TIAM2: variants seen among roughly 807,000 people sequenced by gnomAD.
TIAM2 encodes TIAM Rac1 associated GEF 2, also known as rho guanine nucleotide exchange factor TIAM2.
Under a neutral mutation model 152.9 loss-of-function variants are expected in TIAM2, and 80 were observed. The observed-to-expected ratio is 0.52, with a 90% CI of 0.44 to 0.63. TIAM2 has a LOEUF of 0.63. Ranked by LOEUF, TIAM2 falls within the 30% of genes least tolerant of loss-of-function variation. TIAM2 has a pLI of 0.00. For missense variants in TIAM2, 1,965 were observed against 2,120.1 expected (o/e 0.93, Z 1.44); for synonymous variants, 804 against 838.0 (o/e 0.96, Z 0.70).
chr6:155,253,079 C>T (rs1268342117), intron 24 of TIAM2, 26 bp downstream of exon 24: 1 of 1,574,882 alleles, frequency 6.3e-7, no homozygotes, highest in Non-Finnish European at 8.7e-7. Context: ...AGTATGATGC[C>T]AGAAAAAGCA....
chr6:155,203,342 G>C (rs1208386837), intron 14 of TIAM2, among the ~76,000 whole-genome samples: 1 of 152,098 alleles, frequency 6.6e-6, no homozygotes, highest in East Asian at 1.9e-4. Flanking sequence ...GGTGATTTCT[G>C]AGTTTCTTTT....
In TIAM2 at chr6:155,041,086, G is replaced by A. The variant is rs184442964; in HGVS notation, c.-209+45594G>A. 4.4e-3 allele frequency among the ~76,000 whole-genome samples: 666 copies of A among 152,158 alleles called. 3 individuals are homozygous for A. The highest frequency in any genetic ancestry group is 7.8e-3 in the Non-Finnish European group (527 of 67,990). ...ACACTGCCCATTGTTCTAAGTGCCA[G>A]GGGCTCTTGGATATGCTTGCCAAAC... On this transcript the variant is annotated intron_variant, in intron 1 of 26. Transcript: ENST00000682666.
chr6:155,239,750 T>TGGCTCC (rs1782940648), intron 15 of TIAM2, among the ~76,000 whole-genome samples: 1 of 152,166 alleles, frequency 6.6e-6, no homozygotes, highest in Non-Finnish European at 1.5e-5. Flanking sequence ...GGCCTGGCCC[T>TGGCTCC]GGCTCCCTGC....
At chr6:155,168,350 A>G (rs1400501920) in intron 9 of TIAM2, among the ~76,000 whole-genome samples, 2 of 138,010 alleles carry the variant, frequency 1.4e-5, no homozygotes, top group Admixed American at 1.4e-4. Context: ...TCAAGAATGA[A>G]TTTATTTATT....
At chr6:155,255,599 A>C (rs1783949208) in intron 26 of TIAM2, 1 of 146,022 alleles carries the variant, frequency 6.8e-6, no homozygotes, top group South Asian at 2.2e-4. Context: ...TCCTTCTTTC[A>C]ATCCAAGAGA....
chr6:155,237,258 G>A (rs1308531142), intron 15 of TIAM2, among the ~76,000 whole-genome samples: 8 of 152,250 alleles, frequency 5.3e-5, no homozygotes, highest in Non-Finnish European at 8.8e-5. Flanking sequence ...TTGACTCCAT[G>A]TCTCACATCC....
intron 1 of TIAM2, among the ~76,000 whole-genome samples, chr6:155,047,539 C>T (rs927946640): frequency 6.6e-6 from 1 of 152,036 alleles, no homozygotes; most frequent in Admixed American, 6.6e-5. Context: ...ATCCTATCGC[C>T]ACACCACCTC....
At chr6:155,114,034 ATATTTTTTTTTTTTTCTTTTTT>A (rs1160848773) in intron 2 of TIAM2, among the ~76,000 whole-genome samples, 3 of 37,772 alleles carry the variant, frequency 7.9e-5, no homozygotes, top group African/African-American at 3.8e-4. Flanking sequence ...ATATATATAT[ATATTTTTTTTTTTTTCTTTTTT>A]TTTTTTTTTT....
chr6:155,192,063 G>T (rs1000258171), intron 14 of TIAM2, among the ~76,000 whole-genome samples: 11 of 152,170 alleles, frequency 7.2e-5, no homozygotes, highest in African/African-American at 2.4e-4. Context: ...AGTCACAGGG[G>T]TCTTTACTGG....
chr6:155,069,587 A>G (rs1303325982), intron 1 of TIAM2, among the ~76,000 whole-genome samples: 1 of 151,158 alleles, frequency 6.6e-6, no homozygotes, highest in African/African-American at 2.5e-5. Context: ...CCCAAATAAG[A>G]AGTAGACATA....
chr6:155,154,309 G>A (rs911066867), intron 7 of TIAM2, among the ~76,000 whole-genome samples: 1 of 152,166 alleles, frequency 6.6e-6, no homozygotes, highest in Non-Finnish European at 1.5e-5. Flanking sequence ...AAATTCTCTG[G>A]AACAGGTTTT....
At chr6:155,177,695 A>T (rs953194002) in intron 10 of TIAM2, among the ~76,000 whole-genome samples, 3 of 152,242 alleles carry the variant, frequency 2.0e-5, no homozygotes, top group Non-Finnish European at 4.4e-5. Flanking sequence ...GTTTAATTTT[A>T]GTCCCCCTTT....
intron 1 of TIAM2, among the ~76,000 whole-genome samples, chr6:155,029,654 TAG>T (rs1434594531): frequency 5.6e-5 from 5 of 89,952 alleles, no homozygotes; most frequent in South Asian, 5.9e-4. Flanking sequence ...TAACTATATA[TAG>T]AGTTATATAA....
rs79823829 is a variant in TIAM2 at position 155,174,664 on chromosome 6, C to A, written c.2362-2152C>A. Among the ~76,000 whole-genome samples, 9,415 of 152,270 alleles carry A rather than the reference C, an allele frequency of 0.062. 377 individuals are homozygous for A. Among genetic ancestry groups the A allele is most frequent in the Middle Eastern group, 0.14 (41 of 294 alleles). ...AATTACAGACGTGAGCCATGGCGCC[C>A]GGCCAAGTGATACAGTCTTTCTCTG... On this transcript the variant is annotated intron_variant, in intron 9 of 26. Coordinates refer to ENST00000682666, the MANE Select transcript of TIAM2 (RefSeq NM_012454.4). This position sits in a 1 kb window ranked among gnomAD's most constrained non-coding sequence, Gnocchi z 4.2.
At chr6:155,254,166 C>A in intron 25 of TIAM2, 106 bp downstream of exon 25, 1 of 1,244,222 alleles carries the variant, frequency 8.0e-7, no homozygotes. Flanking sequence ...ATATCAGGGT[C>A]ATACTCCCCA....
rs1781791525 is a variant in TIAM2, at chr6:155,214,014, G to A, written c.3168+2707G>A. 1.3e-5 allele frequency among the ~76,000 whole-genome samples: 2 copies of A among 152,196 alleles called. No homozygotes were observed. Among genetic ancestry groups the A allele is most frequent in the Non-Finnish European group, 2.9e-5 (2 of 68,040 alleles). On this transcript the variant is annotated intron_variant, in intron 15 of 26. Coordinates refer to ENST00000682666, the MANE Select transcript of TIAM2 (RefSeq NM_012454.4). The surrounding 1 kb of genome is among the most constrained non-coding windows in gnomAD (Gnocchi z 5.4). ...CAGAGATGTCTGGGTCCACAGTCGC[G>A]GCTACGTGGCTGCAGCAGTACCCGG...
At chr6:155,127,401 C>T in intron 2 of TIAM2, 89 bp from the exon 3 acceptor site, 3 of 354,168 alleles carry the variant, frequency 8.5e-6, no homozygotes, top group Non-Finnish European at 1.7e-5. Context: ...GTTGTTTCTT[C>T]ATATAATTTG....
chr6:155,114,164 G>A (rs1402345772), intron 2 of TIAM2, among the ~76,000 whole-genome samples: 1 of 141,454 alleles, frequency 7.1e-6, no homozygotes, highest in African/African-American at 2.6e-5. Flanking sequence ...AGTGATTCTT[G>A]TGCCTCAGGC....
intron 1 of TIAM2, among the ~76,000 whole-genome samples, chr6:155,015,412 A>G (rs1415227415): frequency 2.0e-5 from 3 of 152,132 alleles, no homozygotes; most frequent in Non-Finnish European, 2.9e-5. Context: ...TGGGCTGGGT[A>G]TGTAGATTCA....
Sources: gnomAD v4.1 joint callset for allele counts (sites outside exome capture counted in the v4.1 genomes callset) on GRCh38, gnomAD v4.1.1 for gene constraint, Gnocchi (gnomAD v3.1) non-coding constraint, MANE v1.5 for transcripts, NCBI Gene and HGNC (gene_info 2026-07-23, HGNC 2026-07-21) for gene names.